Variants in SPHKAP observed in about 807,000 individuals in gnomAD.
SPHKAP encodes the protein SPHK1 interactor, AKAP domain containing.
SPHKAP carries 67 observed loss-of-function variants against 137.5 expected under a neutral mutation model. The observed-to-expected ratio is 0.49, with a 90% CI of 0.40 to 0.60. The LOEUF (loss-of-function observed/expected upper bound fraction) is 0.60, where lower values mean the gene tolerates loss of function less well. Among genes scored for constraint, SPHKAP ranks in the 20% least tolerant of loss-of-function variants. SPHKAP has a pLI of 0.00. For synonymous variants in SPHKAP, 813 were observed against 785.3 expected, an observed-to-expected ratio of 1.04 and a Z score of -0.59; for missense variants, 2,097 against 2,069.3, an observed-to-expected ratio of 1.01 and a Z score of -0.26.
intron 3 of SPHKAP, among the ~76,000 whole-genome samples, chr2:228,070,543 G>T (rs1225144887): frequency 1.3e-5 from 2 of 152,116 alleles, no homozygotes; most frequent in Non-Finnish European, 2.9e-5. Flanking sequence ...TGTCATAAAA[G>T]AAGTCAAGAG....
intron 2 of SPHKAP, among the ~76,000 whole-genome samples, chr2:228,114,945 G>T (rs1414540710): frequency 6.6e-6 from 1 of 152,090 alleles, no homozygotes; most frequent in African/African-American, 2.4e-5. Flanking sequence ...GACAATCCAG[G>T]TCAGCTATCA....
At chr2:228,041,281 G>A (rs140655952) in intron 3 of SPHKAP, among the ~76,000 whole-genome samples, 250 of 151,800 alleles carry the variant, frequency 1.6e-3, no homozygotes, top group African/African-American at 5.6e-3. Context: ...TTTTTTTCTC[G>A]GGGCTAAACA....
At chr2:228,053,227 A>C (rs1696320371) in intron 3 of SPHKAP, among the ~76,000 whole-genome samples, 1 of 151,928 alleles carries the variant, frequency 6.6e-6, no homozygotes, top group South Asian at 2.1e-4. Context: ...TCAGGACCCC[A>C]TTCTCATAAC....
At chr2:228,117,689 A>T (rs1290005555) in intron 2 of SPHKAP, among the ~76,000 whole-genome samples, 1 of 152,126 alleles carries the variant, frequency 6.6e-6, no homozygotes. Context: ...GTTTTGAAAA[A>T]TGCACATGAT....
At chr2:228,072,785 C>T (rs963624529) in intron 3 of SPHKAP, among the ~76,000 whole-genome samples, 1 of 152,146 alleles carries the variant, frequency 6.6e-6, no homozygotes, top group Admixed American at 6.5e-5. Flanking sequence ...CTAGGGATGC[C>T]CAGCTATTTG....
In SPHKAP at chr2:228,017,123, G is replaced by C. The variant is rs762020527; in HGVS notation, c.3731C>G (p.Ser1244Cys). 21 of 1,614,066 alleles carry C rather than the reference G, an allele frequency of 1.3e-5. No homozygotes were observed. The East Asian group carries it at 4.2e-4, about 33-fold the overall frequency. Residue 1244 changes from serine to cysteine, a missense_variant, in exon 7 of 12, where the codon TCC becomes TGC. Coordinates refer to ENST00000392056, the MANE Select transcript of SPHKAP (RefSeq NM_001142644.2). ...HRQSSMPDSR[S>C]PCSRLTVNVP... is the part of the protein sequence containing the mutation. ...ATTCACTGTCAGCCTGGAGCATGGG[G>C]ATCTGCTGTCTGGCATGGACGACTG...
At chr2:228,038,490 G>T (rs1695719645) in intron 3 of SPHKAP, among the ~76,000 whole-genome samples, 1 of 152,214 alleles carries the variant, frequency 6.6e-6, no homozygotes, top group Admixed American at 6.5e-5. Context: ...GGCTAGGGCT[G>T]CATGCTGGAG....
chr2:228,092,974 T>C (rs188036237), intron 3 of SPHKAP, among the ~76,000 whole-genome samples: 150 of 152,128 alleles, frequency 9.9e-4, no homozygotes, highest in African/African-American at 3.5e-3. Flanking sequence ...GCTCAGGTAA[T>C]GGGTGCACCA....
At chr2:228,086,470 C>T (rs1375156653) in intron 3 of SPHKAP, among the ~76,000 whole-genome samples, 1 of 152,076 alleles carries the variant, frequency 6.6e-6, no homozygotes, top group African/African-American at 2.4e-5. Flanking sequence ...TCCCTTTTAG[C>T]TCCAAATTGA....
At chr2:228,068,364 GA>G (rs142931704) in intron 3 of SPHKAP, among the ~76,000 whole-genome samples, 20 of 144,932 alleles carry the variant, frequency 1.4e-4, no homozygotes, top group East Asian at 4.0e-4. Flanking sequence ...CACAGAAATA[GA>G]AAAAAAAAAC....
At chr2:227,987,552 T>C (rs1368967202) in intron 11 of SPHKAP, among the ~76,000 whole-genome samples, 7 of 152,216 alleles carry the variant, frequency 4.6e-5, no homozygotes, top group Non-Finnish European at 8.8e-5. Flanking sequence ...TTTAGCTTTT[T>C]AATAATTAGA....
rs957342222 is a variant in SPHKAP, at chr2:227,991,736, C to T, written c.4722-410G>A. On this transcript the variant is annotated intron_variant, in intron 9 of 11. Coordinates refer to ENST00000392056, the MANE Select transcript of SPHKAP (RefSeq NM_001142644.2). ...TTCATCTTAATGAATCATATGTTCCCATCTTGTCACAATTTTTTTTCTATA... is the reference window on the plus strand; with the variant it reads ...TTCATCTTAATGAATCATATGTTCCTATCTTGTCACAATTTTTTTTCTATA... 6.4e-6 allele frequency: 6 copies of T among 942,212 alleles called. No homozygotes were observed. In the Admixed American group the frequency reaches 2.5e-4, roughly 39 times the overall value. 58.4% of individuals were successfully genotyped at this position (942,212 alleles called of 1,614,324 possible).
chr2:228,131,958 A>G (rs2106375316), intron 2 of SPHKAP, 22 bp downstream of exon 2: 1 of 1,609,564 alleles, frequency 6.2e-7, no homozygotes, highest in African/African-American at 1.3e-5. Context: ...GACAAGAAGA[A>G]AGTGGCGTAA....
chr2:228,049,584 A>T (rs893409594), intron 3 of SPHKAP, among the ~76,000 whole-genome samples: 10 of 151,006 alleles, frequency 6.6e-5, no homozygotes, highest in African/African-American at 2.4e-4. Context: ...GGTTTGGGGT[A>T]TGAATCTTAT....
At chr2:228,105,576 T>C (rs751163663) in intron 3 of SPHKAP, among the ~76,000 whole-genome samples, 1 of 152,230 alleles carries the variant, frequency 6.6e-6, no homozygotes, top group African/African-American at 2.4e-5. Flanking sequence ...ATGGTTTGTG[T>C]GTGTCCCCAC....
chr2:228,018,462 CCTTGT>C lies in SPHKAP; in HGVS notation c.2387_2391del (p.Asp796GlyfsTer20). Reference sequence around the variant, plus strand: ...TTGAAGAGGCCTGGCCTCACTCCACCCTTGTCTTGTTTTGAATACATGCCATCCAC... The same window carrying C: ...TTGAAGAGGCCTGGCCTCACTCCACCCTTGTTTTGAATACATGCCATCCAC... On this transcript the variant is annotated frameshift_variant, in exon 7 of 12. Transcript: ENST00000392056. LOFTEE classifies it high-confidence loss of function. 1 of 1,614,048 alleles carries C rather than the reference CCTTGT, an allele frequency of 6.2e-7. No homozygotes were observed. Among genetic ancestry groups the C allele is most frequent in the Non-Finnish European group, 8.5e-7 (1 of 1,179,982 alleles).
chr2:228,071,520 C>T (rs979588861), intron 3 of SPHKAP, among the ~76,000 whole-genome samples: 1 of 152,180 alleles, frequency 6.6e-6, no homozygotes, highest in Admixed American at 6.5e-5. Flanking sequence ...TTTAAGTTGT[C>T]ATATAATGAC....
rs1692959721 is a variant in SPHKAP at position 227,980,569 on chromosome 2, G to A, written c.*1148C>T. The A allele has an allele frequency of 6.6e-6, 1 of 152,150 alleles. No homozygotes were observed. Among genetic ancestry groups the A allele is most frequent in the African/African-American group, 2.4e-5 (1 of 41,432 alleles). The allele number at this position is 152,150 out of a possible 1,614,324, so 9.4% of individuals were successfully genotyped here. On this transcript the variant is annotated 3_prime_UTR_variant, in exon 12 of 12. Transcript: ENST00000392056. ...TTATTTTTCAAAAGAGTAAATCTCT[G>A]TTATTAAAATAACTAAAATGTGTCA...
intron 3 of SPHKAP, among the ~76,000 whole-genome samples, chr2:228,085,461 T>C (rs890443341): frequency 6.6e-6 from 1 of 152,212 alleles, no homozygotes; most frequent in Non-Finnish European, 1.5e-5. Context: ...ACAGCATCAA[T>C]AGACAATTTG....
Sources: allele counts gnomAD v4.1 joint callset (sites outside exome capture counted in the v4.1 genomes callset), GRCh38; gene constraint gnomAD v4.1.1; transcripts MANE v1.5; gene names NCBI Gene and HGNC (gene_info 2026-07-23, HGNC 2026-07-21).